Variants in GRIA2 observed in about 807,000 individuals in gnomAD.
GRIA2 encodes glutamate receptor 2.
A neutral mutation model predicts 97.3 loss-of-function variants in GRIA2; 14 were observed. The observed-to-expected ratio is 0.14, with a 90% CI of 0.10 to 0.23. The LOEUF (loss-of-function observed/expected upper bound fraction) is 0.23. GRIA2 is among the 10% of genes least tolerant of loss of function. The pLI is 1.00. For missense variants in GRIA2, 558 were observed against 1,069.8 expected (o/e 0.52, Z 6.67); for synonymous variants, 412 against 387.8 (o/e 1.06, Z -0.73).
At chr4:157,269,068 A>G (rs1379155859) in intron 2 of GRIA2, among the ~76,000 whole-genome samples, 1 of 152,120 alleles carries the variant, frequency 6.6e-6, no homozygotes, top group Non-Finnish European at 1.5e-5. Flanking sequence ...AATATAGGCT[A>G]TAGCTTAGTG....
intron 2 of GRIA2, among the ~76,000 whole-genome samples, chr4:157,282,493 G>A (rs1268418299): frequency 6.6e-6 from 1 of 152,070 alleles, no homozygotes; most frequent in African/African-American, 2.4e-5. Flanking sequence ...GAAGAAAATA[G>A]TGTGGGGGAT....
chr4:157,353,291 A>G (rs1736097667), intron 12 of GRIA2, among the ~76,000 whole-genome samples: 2 of 148,904 alleles, frequency 1.3e-5, no homozygotes, highest in Admixed American at 1.3e-4. Flanking sequence ...GGTGGAGGTT[A>G]TGGTGAGCCA....
chr4:157,333,939 G>C, intron 8 of GRIA2, 71 bp from the exon 9 acceptor site: 1 of 765,018 alleles, frequency 1.3e-6, no homozygotes, highest in South Asian at 1.5e-5. Context: ...ACATGGCTTT[G>C]AAAATAATTA....
chr4:157,267,087 A>C (rs1466145478), intron 2 of GRIA2, among the ~76,000 whole-genome samples: 2 of 151,848 alleles, frequency 1.3e-5, no homozygotes, highest in Non-Finnish European at 2.9e-5. Flanking sequence ...GGAAGAAAGG[A>C]AATTTTGAGA....
chr4:157,241,811 T>A (rs928840307), intron 2 of GRIA2, among the ~76,000 whole-genome samples: 1 of 151,976 alleles, frequency 6.6e-6, no homozygotes, highest in Non-Finnish European at 1.5e-5. Flanking sequence ...CCATAGAGCA[T>A]CATTGGAAGA....
chr4:157,360,661 T>C (rs1166631736), intron 13 of GRIA2: 3 of 475,172 alleles, frequency 6.3e-6, no homozygotes, highest in East Asian at 6.3e-5. Flanking sequence ...CTCTTTACTA[T>C]GTAGTTAACT....
intron 12 of GRIA2, among the ~76,000 whole-genome samples, chr4:157,359,184 A>G (rs1474489731): frequency 6.6e-6 from 1 of 152,172 alleles, no homozygotes; most frequent in Non-Finnish European, 1.5e-5. Flanking sequence ...TAAGATAAAT[A>G]TTCCTTTAAT....
intron 12 of GRIA2, among the ~76,000 whole-genome samples, chr4:157,355,632 T>TTATATATATTTATTTATA (rs1560780581): frequency 1.1e-4 from 15 of 137,290 alleles, no homozygotes; most frequent in African/African-American, 3.5e-4. Context: ...ATATATTTAT[T>TTATATATATTTATTTATA]TATATATATT....
At chr4:157,221,834 G>C (rs567395648) in intron 2 of GRIA2, 27 bp downstream of exon 2, 12 of 1,610,252 alleles carry the variant, frequency 7.5e-6, no homozygotes, top group East Asian at 4.5e-5. Context: ...CATGCCTTTC[G>C]GGTGCTGCAC....
intron 2 of GRIA2, among the ~76,000 whole-genome samples, chr4:157,260,172 A>G (rs1731463821): frequency 6.6e-6 from 1 of 152,148 alleles, no homozygotes; most frequent in Non-Finnish European, 1.5e-5. Context: ...GAAGCTATAT[A>G]TAATAGTTTA....
chr4:157,356,825 T>TCC (rs150577554), intron 12 of GRIA2, among the ~76,000 whole-genome samples: 2,828 of 152,172 alleles, frequency 0.019, 95 homozygotes, highest in African/African-American at 0.063. Flanking sequence ...TGTAGTGTGC[T>TCC]CCCCAGTGCA....
At chr4:157,259,293 A>G (rs934426481) in intron 2 of GRIA2, among the ~76,000 whole-genome samples, 4 of 152,136 alleles carry the variant, frequency 2.6e-5, no homozygotes, top group African/African-American at 9.7e-5. Context: ...ACTAGAATTT[A>G]TAAATTATGG....
At chr4:157,258,477 G>A (rs763560939) in intron 2 of GRIA2, among the ~76,000 whole-genome samples, 2 of 152,010 alleles carry the variant, frequency 1.3e-5, no homozygotes, top group Non-Finnish European at 2.9e-5. Flanking sequence ...TGGTCAGACC[G>A]GTTGTCTGCT....
intron 2 of GRIA2, among the ~76,000 whole-genome samples, chr4:157,269,909 T>C (rs574313309): frequency 2.0e-5 from 3 of 152,190 alleles, no homozygotes; most frequent in Admixed American, 1.3e-4. Flanking sequence ...TTTATGCTCA[T>C]ATATAAGTAC....
intron 12 of GRIA2, among the ~76,000 whole-genome samples, chr4:157,350,533 G>T (rs1735964083): frequency 6.6e-6 from 1 of 150,944 alleles, no homozygotes; most frequent in East Asian, 2.0e-4. Context: ...ATTTCAATCT[G>T]AACATTCATG....
rs573463908 is a variant in GRIA2 at position 157,298,326 on chromosome 4, G to T, written c.230-5226G>T. The stretch of plus-strand genomic sequence containing the variant: ...CATAGTAGGTTCTTAAAAGTGCTTT[G>T]TAAATGTGCAATGAAAGAAGTAGAA... On this transcript the variant is annotated intron_variant, in intron 2 of 15. Coordinates refer to ENST00000264426, the MANE Select transcript of GRIA2 (RefSeq NM_001083619.3). Among the ~76,000 whole-genome samples the T allele has an allele frequency of 2.6e-5, 4 of 152,150 alleles. No individual in the cohort carries two copies. The South Asian group carries it at 8.3e-4, about 32-fold the overall frequency.
At chr4:157,279,856 G>T (rs531658964) in intron 2 of GRIA2, among the ~76,000 whole-genome samples, 13 of 152,234 alleles carry the variant, frequency 8.5e-5, no homozygotes, top group Non-Finnish European at 7.4e-5. Context: ...TGGGCGTGGT[G>T]GCTCACCCCT....
In GRIA2 at chr4:157,248,486, G is replaced by C. The variant is rs1047324658; in HGVS notation, c.229+26679G>C. On this transcript the variant is annotated intron_variant, in intron 2 of 15. Transcript: ENST00000264426. ...GGAGGGTGAGGCAGGAGAATTGCTT[G>C]AACTCGGGAGGCGGAGGTTTCAGTG... 5.2e-5 allele frequency among the ~76,000 whole-genome samples: 7 copies of C among 135,128 alleles called. No individual in the cohort carries two copies. In the South Asian group the frequency reaches 1.8e-3, roughly 34 times the overall value. 88.6% of individuals were successfully genotyped at this position (135,128 alleles called of 152,430 possible). A position where few individuals can be genotyped will look rare whatever the true frequency, so the allele number is the denominator to read the frequency against.
chr4:157,262,224 A>C (rs1731572697), intron 2 of GRIA2, among the ~76,000 whole-genome samples: 1 of 152,060 alleles, frequency 6.6e-6, no homozygotes, highest in Non-Finnish European at 1.5e-5. Flanking sequence ...CTTCATAAAT[A>C]AGGAGACTTA....
Sources: gnomAD v4.1 joint callset for allele counts (sites outside exome capture counted in the v4.1 genomes callset) on GRCh38, gnomAD v4.1.1 for gene constraint, MANE v1.5 for transcripts, NCBI Gene and HGNC (gene_info 2026-07-23, HGNC 2026-07-21) for gene names.